Variants in TLK1 observed in about 807,000 individuals in gnomAD.
TLK1 encodes serine/threonine-protein kinase tousled-like 1.
Under a neutral mutation model 105.3 loss-of-function variants are expected in TLK1, and 24 were observed. The ratio of observed to expected loss-of-function variants is 0.23; its 90% CI spans 0.17 to 0.32. The LOEUF is 0.32. Among genes scored for constraint, TLK1 ranks in the 10% least tolerant of loss-of-function variants. The probability of loss-of-function intolerance (pLI) is 1.00; values close to 1 mark genes in which losing one functional copy is unlikely to be tolerated. For missense variants in TLK1, 558 were observed against 910.5 expected (o/e 0.61, Z 4.98); for synonymous variants, 321 against 310.4 (o/e 1.03, Z -0.36).
chr2:171,041,172 C>A (rs1258834051), intron 11 of TLK1, among the ~76,000 whole-genome samples: 1 of 152,102 alleles, frequency 6.6e-6, no homozygotes, highest in Non-Finnish European at 1.5e-5. Context: ...GTCCTTGTAA[C>A]TAAAATTACA....
chr2:171,174,174 T>C (rs754672730), intron 1 of TLK1, among the ~76,000 whole-genome samples: 14 of 152,246 alleles, frequency 9.2e-5, no homozygotes, highest in Non-Finnish European at 1.9e-4. Context: ...GTTTTATATC[T>C]GGTTACTCTC....
intron 3 of TLK1, among the ~76,000 whole-genome samples, chr2:171,078,867 G>A (rs1038005556): frequency 1.3e-5 from 2 of 152,124 alleles, no homozygotes; most frequent in African/African-American, 4.8e-5. Flanking sequence ...TCCCTCCAAC[G>A]CAATCCTCTA....
intron 2 of TLK1, among the ~76,000 whole-genome samples, chr2:171,105,481 T>C (rs1441795021): frequency 2.6e-5 from 4 of 151,506 alleles, no homozygotes; most frequent in Non-Finnish European, 4.4e-5. Flanking sequence ...AGGTCAGGAG[T>C]TTGAGACCAG....
intron 12 of TLK1, among the ~76,000 whole-genome samples, chr2:171,015,400 A>G (rs1418702152): frequency 6.8e-6 from 1 of 147,114 alleles, no homozygotes; most frequent in Non-Finnish European, 1.5e-5. Context: ...TACGCCTTAC[A>G]GCATTTGGAG....
chr2:171,086,486 C>T (rs566213412), intron 2 of TLK1, among the ~76,000 whole-genome samples: 7 of 152,096 alleles, frequency 4.6e-5, no homozygotes, highest in African/African-American at 1.7e-4. Flanking sequence ...AACAGCCAGG[C>T]GTCATGGCGC....
chr2:171,006,000 G>C (rs1204520568), intron 18 of TLK1, 147 bp downstream of exon 18: 1 of 686,432 alleles, frequency 1.5e-6, no homozygotes, highest in African/African-American at 1.9e-5. Context: ...GACCACAGAA[G>C]TCTCCCTCTC....
intron 1 of TLK1, among the ~76,000 whole-genome samples, chr2:171,202,559 C>A (rs558456212): frequency 6.6e-6 from 1 of 151,978 alleles, no homozygotes; most frequent in South Asian, 2.1e-4. Flanking sequence ...GAGTTCAAGA[C>A]CAGCCTGGCC....
At chr2:170,998,312 G>C (rs1306818126) in intron 18 of TLK1, among the ~76,000 whole-genome samples, 3 of 152,146 alleles carry the variant, frequency 2.0e-5, no homozygotes, top group Non-Finnish European at 1.5e-5. Context: ...ACAAGACCTT[G>C]TATCTCTTGT....
At chr2:171,052,351 G>A (rs549324783) in intron 8 of TLK1, among the ~76,000 whole-genome samples, 1 of 152,252 alleles carries the variant, frequency 6.6e-6, no homozygotes, top group Admixed American at 6.5e-5. Flanking sequence ...CTGTACTCTG[G>A]CTATGTCTTT....
intron 1 of TLK1, among the ~76,000 whole-genome samples, chr2:171,150,152 T>C (rs1401386135): frequency 2.6e-5 from 4 of 152,140 alleles, no homozygotes; most frequent in Non-Finnish European, 5.9e-5. Context: ...GGTTCAAAAG[T>C]ACATGCTCAC....
intron 1 of TLK1, among the ~76,000 whole-genome samples, chr2:171,131,459 A>T (rs1691103577): frequency 6.6e-6 from 1 of 152,242 alleles, no homozygotes; most frequent in Non-Finnish European, 1.5e-5. Context: ...AGAGTGGCAG[A>T]TGCAAAGTTC....
intron 1 of TLK1, among the ~76,000 whole-genome samples, chr2:171,217,941 A>G (rs989200668): frequency 6.6e-6 from 1 of 152,200 alleles, no homozygotes; most frequent in Non-Finnish European, 1.5e-5. Context: ...ACAAATTGCT[A>G]CAAACTTGGT....
At chr2:171,006,411 T>C in intron 17 of TLK1, 63 bp downstream of exon 17, 4 of 1,502,170 alleles carry the variant, frequency 2.7e-6, no homozygotes, top group Non-Finnish European at 3.6e-6. Flanking sequence ...TCAGATAACT[T>C]AATGAATGAC....
At chr2:171,083,073 T>C (rs1237087798) in intron 2 of TLK1, among the ~76,000 whole-genome samples, 1 of 152,220 alleles carries the variant, frequency 6.6e-6, no homozygotes, top group Non-Finnish European at 1.5e-5. Context: ...AGTTCTGCTG[T>C]GTTTTAGGAA....
chr2:171,204,342 C>T (rs1327266894), intron 1 of TLK1, among the ~76,000 whole-genome samples: 5 of 152,134 alleles, frequency 3.3e-5, no homozygotes, highest in South Asian at 2.1e-4. Context: ...AACCCCAGTG[C>T]GTGCCCAGAT....
intron 1 of TLK1, among the ~76,000 whole-genome samples, chr2:171,206,085 C>T (rs1201638386): frequency 1.3e-5 from 2 of 152,038 alleles, no homozygotes; most frequent in Non-Finnish European, 2.9e-5. Flanking sequence ...TATTACATGT[C>T]AAGAAATACA....
chr2:171,174,975 G>A (rs191648726), intron 1 of TLK1, among the ~76,000 whole-genome samples: 3 of 152,234 alleles, frequency 2.0e-5, no homozygotes, highest in Admixed American at 2.0e-4. Context: ...GGGTGAAGTA[G>A]CTCATGCCTA....
At chr2:171,142,220 CAAAAGCAGCAG>C (rs1028120184) in intron 1 of TLK1, among the ~76,000 whole-genome samples, 24 of 151,976 alleles carry the variant, frequency 1.6e-4, no homozygotes, top group African/African-American at 5.5e-4. Context: ...ATAATAATCC[CAAAAGCAGCAG>C]AAAAGGAGAA....
chr2:171,213,077 TA>T (rs1553490195), intron 1 of TLK1, among the ~76,000 whole-genome samples: 8 of 152,080 alleles, frequency 5.3e-5, no homozygotes, highest in South Asian at 4.1e-4. Flanking sequence ...AAGCCTTTTC[TA>T]AAAAAATTTT....
Sources: gnomAD v4.1 joint callset for allele counts (sites outside exome capture counted in the v4.1 genomes callset) on GRCh38, gnomAD v4.1.1 for gene constraint, MANE v1.5 for transcripts, NCBI Gene and HGNC (gene_info 2026-07-23, HGNC 2026-07-21) for gene names.